The following DACH2 variants were observed in gnomAD, a reference collection of about 807,000 sequenced individuals.
DACH2 encodes dachshund homolog 2.
Under a neutral mutation model 35.8 loss-of-function variants are expected in DACH2, and 17 were observed. The ratio of observed to expected loss-of-function variants is 0.48; its 90% CI spans 0.33 to 0.71. The LOEUF (loss-of-function observed/expected upper bound fraction) is 0.71. Among genes scored for constraint, DACH2 ranks in the 30% least tolerant of loss-of-function variants. The probability of loss-of-function intolerance (pLI) is 0.02; values close to 1 mark genes in which losing one functional copy is unlikely to be tolerated. For missense variants in DACH2, 469 were observed against 472.7 expected (o/e 0.99, Z 0.07); for synonymous variants, 195 against 177.3 (o/e 1.10, Z -0.79).
chrX:86,704,927 AC>A (rs2041193594), intron 5 of DACH2, among the ~76,000 whole-genome samples: 1 of 108,203 alleles, frequency 9.2e-6, no homozygotes, highest in Non-Finnish European at 1.9e-5. Flanking sequence ...AAGTCATTAT[AC>A]AAAAAAGATA....
At chrX:86,636,777 T>C (rs2040271154) in intron 3 of DACH2, among the ~76,000 whole-genome samples, 1 of 110,236 alleles carries the variant, frequency 9.1e-6, no homozygotes, top group Admixed American at 9.7e-5. Flanking sequence ...ACCTACGCAA[T>C]ACCATTCTGG....
intron 7 of DACH2, among the ~76,000 whole-genome samples, chrX:86,788,922 A>G (rs2042162957): frequency 9.0e-6 from 1 of 111,501 alleles, no homozygotes; most frequent in Admixed American, 9.6e-5. Context: ...CCCTACTCCT[A>G]AGGTACATCT....
At chrX:86,347,234 T>A (rs1246759013) in intron 1 of DACH2, among the ~76,000 whole-genome samples, 1 of 112,481 alleles carries the variant, frequency 8.9e-6, no homozygotes, top group Non-Finnish European at 1.9e-5. Context: ...TTCATTAGCT[T>A]CGCTGATTCT....
chrX:86,244,445 A>T (rs2033235903), intron 1 of DACH2, among the ~76,000 whole-genome samples: 1 of 111,940 alleles, frequency 8.9e-6, no homozygotes, highest in Non-Finnish European at 1.9e-5. Flanking sequence ...AAGACAGAAA[A>T]TATCCAATTT....
intron 11 of DACH2, chrX:86,828,181 T>G (rs2147370986): frequency 7.7e-6 from 1 of 129,946 alleles, no homozygotes; most frequent in African/African-American, 3.2e-5. Flanking sequence ...ACACCTACTT[T>G]AAGCTGCAAT....
chrX:86,314,096 C>G (rs2034851585), intron 1 of DACH2, among the ~76,000 whole-genome samples: 2 of 110,078 alleles, frequency 1.8e-5, no homozygotes, highest in Non-Finnish European at 3.8e-5. Context: ...TAATCTCTCT[C>G]CCTCTCCTTG....
intron 1 of DACH2, among the ~76,000 whole-genome samples, chrX:86,309,700 G>T (rs2034759486): frequency 2.7e-5 from 3 of 112,276 alleles, no homozygotes; most frequent in Admixed American, 1.9e-4. Flanking sequence ...TTTGGGGCCT[G>T]TTGAGATATT....
intron 7 of DACH2, chrX:86,799,188 G>T: frequency 3.8e-6 from 1 of 263,251 alleles, no homozygotes; most frequent in South Asian, 4.5e-5. Flanking sequence ...ACAACTTTTT[G>T]AAACTGAAGG....
chrX:86,311,199 G>A lies in DACH2; in HGVS notation c.489-65625G>A, dbSNP rs1431131152. Among the ~76,000 whole-genome samples the A allele has an allele frequency of 4.5e-5, 5 of 112,192 alleles. No homozygotes were observed. The East Asian group carries it at 1.1e-3, about 25-fold the overall frequency. On this transcript the variant is annotated intron_variant, in intron 1 of 11. Coordinates refer to ENST00000373125, the MANE Select transcript of DACH2 (RefSeq NM_053281.3). ...AGACACTTACTCCAGATATGGGTTTGCCTATCCTGCATGCAATGCTTCTGC... is the reference window on the plus strand; with the variant it reads ...AGACACTTACTCCAGATATGGGTTTACCTATCCTGCATGCAATGCTTCTGC...
chrX:86,467,484 G>A (rs747075835), intron 2 of DACH2, among the ~76,000 whole-genome samples: 42 of 111,456 alleles, frequency 3.8e-4, no homozygotes, highest in Non-Finnish European at 7.7e-4. Flanking sequence ...CCATCTTCCT[G>A]TTTTCTGAGC....
At chrX:86,588,834 T>C (rs928521654) in intron 3 of DACH2, among the ~76,000 whole-genome samples, 1 of 111,241 alleles carries the variant, frequency 9.0e-6, no homozygotes, top group African/African-American at 3.3e-5. Flanking sequence ...CCTCTCTTCC[T>C]ATTAGGATGA....
intron 3 of DACH2, among the ~76,000 whole-genome samples, chrX:86,567,567 C>T (rs2039307972): frequency 9.0e-6 from 1 of 111,332 alleles, no homozygotes; most frequent in Non-Finnish European, 1.9e-5. Context: ...CTTTCTCCCT[C>T]GTTTATAAGA....
At position 86,825,039 on chromosome X, in the gene DACH2, G is replaced by T. The variant is rs1469699436; in HGVS notation, c.1751-7067G>T. ...AGTAGTTAAAAGTTATTTAAAAATA[G>T]AACTTAACTATACTTTAAAATGTTA... On this transcript the variant is annotated intron_variant, in intron 11 of 11. Coordinates refer to ENST00000373125, the MANE Select transcript of DACH2 (RefSeq NM_053281.3). 2.7e-5 allele frequency among the ~76,000 whole-genome samples: 3 copies of T among 112,176 alleles called. No individual in the cohort carries two copies. In the East Asian group the frequency reaches 8.4e-4, roughly 31 times the overall value.
At chrX:86,342,916 C>T (rs1222092350) in intron 1 of DACH2, among the ~76,000 whole-genome samples, 6 of 111,790 alleles carry the variant, frequency 5.4e-5, no homozygotes, top group African/African-American at 1.3e-4. Context: ...GACTGTCCAC[C>T]GGCAAAAGGA....
At chrX:86,789,539 T>C (rs992574104) in intron 7 of DACH2, among the ~76,000 whole-genome samples, 9 of 111,856 alleles carry the variant, frequency 8.0e-5, no homozygotes, top group African/African-American at 2.9e-4. Flanking sequence ...ATAAAACATA[T>C]CCCTGTCTTT....
intron 1 of DACH2, among the ~76,000 whole-genome samples, chrX:86,222,921 CAG>C (rs2032745589): frequency 9.0e-6 from 1 of 110,748 alleles, no homozygotes; most frequent in Non-Finnish European, 1.9e-5. Context: ...AAATGACAAA[CAG>C]AGGAAGAATA....
intron 7 of DACH2, chrX:86,742,798 T>C: frequency 7.0e-6 from 1 of 141,880 alleles, no homozygotes; most frequent in South Asian, 1.7e-4. Context: ...CTGTGTGCTG[T>C]ATACTGCATC....
intron 7 of DACH2, among the ~76,000 whole-genome samples, chrX:86,775,162 G>A (rs2042020076): frequency 8.9e-6 from 1 of 111,753 alleles, no homozygotes; most frequent in Non-Finnish European, 1.9e-5. Context: ...GCAATGGACT[G>A]TGTAGTCTCG....
In DACH2 at chrX:86,339,605, G is replaced by T. The variant is rs184439423; in HGVS notation, c.489-37219G>T. 5.2e-3 allele frequency among the ~76,000 whole-genome samples: 579 copies of T among 111,434 alleles called. 4 individuals are homozygous for T. Among genetic ancestry groups the T allele is most frequent in the African/African-American group, 0.018 (552 of 30,759 alleles). ...GAGGCACAAGAAGGTCAAATGACTT[G>T]CTCAAGGTCACATAGCTAATAAGTG... is the stretch of plus-strand genomic sequence containing the variant. On this transcript the variant is annotated intron_variant, in intron 1 of 11. Transcript: ENST00000373125.
Sources: allele counts gnomAD v4.1 joint callset (sites outside exome capture counted in the v4.1 genomes callset), GRCh38; gene constraint gnomAD v4.1.1; transcripts MANE v1.5; gene names NCBI Gene and HGNC (gene_info 2026-07-23, HGNC 2026-07-21).